CHST9: variants seen among roughly 807,000 people sequenced by gnomAD.
CHST9 encodes GalNAc-4-sulfotransferase 2.
CHST9 carries 41 observed loss-of-function variants against 44.4 expected under a neutral mutation model. The observed-to-expected ratio is 0.92, with a 90% CI of 0.72 to 1.20. The LOEUF (loss-of-function observed/expected upper bound fraction) is 1.20, where lower values mean the gene tolerates loss of function less well. Ranked by LOEUF, CHST9 falls within the 50% of genes most tolerant of loss-of-function variation. CHST9 has a pLI of 0.00. For missense variants in CHST9, 504 were observed against 516.5 expected (o/e 0.98, Z 0.23); for synonymous variants, 171 against 178.4 (o/e 0.96, Z 0.33).
intron 2 of CHST9, among the ~76,000 whole-genome samples, chr18:27,100,993 A>G (rs979770375): frequency 6.6e-6 from 1 of 152,140 alleles, no homozygotes; most frequent in African/African-American, 2.4e-5. Context: ...TGTGAAGTAC[A>G]CTGCTTGCTT....
At chr18:27,066,360 A>T (rs949244087) in intron 2 of CHST9, among the ~76,000 whole-genome samples, 4 of 152,226 alleles carry the variant, frequency 2.6e-5, no homozygotes, top group African/African-American at 9.6e-5. Context: ...CTAAACTGTT[A>T]GGCTTATTAT....
intron 5 of CHST9, among the ~76,000 whole-genome samples, chr18:26,941,514 A>C (rs764978361): frequency 7.2e-5 from 11 of 152,170 alleles, no homozygotes; most frequent in Non-Finnish European, 1.3e-4. Context: ...TAATATTTTA[A>C]AGTATTATCT....
At position 27,086,340 on chromosome 18, in the gene CHST9, A is replaced by G. The variant is rs557158983; in HGVS notation, c.122-37837T>C. Among the ~76,000 whole-genome samples the G allele has an allele frequency of 3.9e-5, 6 of 152,376 alleles. No individual in the cohort carries two copies. The South Asian group carries it at 1.2e-3, about 32-fold the overall frequency. ...TTTTCTTTTGACAAATTACAATTCA[A>G]GGGACTAAAAATTTGGTGAGTTGGC... On this transcript the variant is annotated intron_variant, in intron 2 of 5. Transcript: ENST00000618847.
At chr18:27,080,631 C>G (rs1248916172) in intron 2 of CHST9, among the ~76,000 whole-genome samples, 2 of 152,006 alleles carry the variant, frequency 1.3e-5, no homozygotes, top group Non-Finnish European at 2.9e-5. Flanking sequence ...CATAGGTGGC[C>G]AAATGTGTAA....
chr18:27,021,397 A>G (rs2057224647), intron 4 of CHST9, among the ~76,000 whole-genome samples: 1 of 152,106 alleles, frequency 6.6e-6, no homozygotes, highest in African/African-American at 2.4e-5. Context: ...CTGTCAAACT[A>G]ATGCTGAGGC....
intron 2 of CHST9, among the ~76,000 whole-genome samples, chr18:27,083,679 A>G (rs1421626991): frequency 2.0e-5 from 3 of 152,058 alleles, no homozygotes; most frequent in Non-Finnish European, 2.9e-5. Context: ...AATTGGGTGA[A>G]TATTCATTTG....
chr18:27,146,587 C>T (rs2058614186), intron 1 of CHST9, among the ~76,000 whole-genome samples: 1 of 152,180 alleles, frequency 6.6e-6, no homozygotes, highest in Admixed American at 6.5e-5. Flanking sequence ...TATGTACGAG[C>T]ATTATACATT....
chr18:27,146,916 C>A (rs1435169686), intron 1 of CHST9, among the ~76,000 whole-genome samples: 1 of 152,094 alleles, frequency 6.6e-6, no homozygotes, highest in Admixed American at 6.5e-5. Context: ...TCTGTCATCT[C>A]TTTTCCAAAA....
intron 1 of CHST9, among the ~76,000 whole-genome samples, chr18:27,165,042 A>G (rs540298492): frequency 1.6e-4 from 25 of 152,320 alleles, no homozygotes; most frequent in African/African-American, 5.3e-4. Context: ...AAAAGGAGAG[A>G]GAGAAAAGAA....
intron 1 of CHST9, among the ~76,000 whole-genome samples, chr18:27,174,687 A>C (rs756228924): frequency 2.6e-5 from 4 of 151,970 alleles, no homozygotes; most frequent in Non-Finnish European, 4.4e-5. Context: ...TTTCATTATC[A>C]GCTTGTATTC....
intron 2 of CHST9, among the ~76,000 whole-genome samples, chr18:27,084,436 T>C (rs2057989890): frequency 6.8e-6 from 1 of 147,702 alleles, no homozygotes; most frequent in African/African-American, 2.5e-5. Flanking sequence ...GAGCTCATAG[T>C]GGTGTTCATA....
chr18:27,145,097 G>GA (rs977931552), intron 1 of CHST9, among the ~76,000 whole-genome samples: 18 of 151,194 alleles, frequency 1.2e-4, no homozygotes, highest in Middle Eastern at 3.4e-3. Flanking sequence ...TTCTTGATTA[G>GA]AAAAAAAAAC....
At chr18:27,120,700 A>G (rs941257609) in intron 2 of CHST9, among the ~76,000 whole-genome samples, 3 of 152,192 alleles carry the variant, frequency 2.0e-5, no homozygotes, top group Non-Finnish European at 2.9e-5. Flanking sequence ...AGTTTCCTCA[A>G]TTATAAAATA....
chr18:27,161,752 T>C, intron 1 of CHST9, among the ~76,000 whole-genome samples: 1 of 152,188 alleles, frequency 6.6e-6, no homozygotes, highest in Non-Finnish European at 1.5e-5. Flanking sequence ...CAAGTCTCTT[T>C]CTAGGTCTCT....
chr18:26,953,495 A>C (rs1463323156), intron 4 of CHST9, among the ~76,000 whole-genome samples: 4 of 152,100 alleles, frequency 2.6e-5, no homozygotes, highest in African/African-American at 9.7e-5. Flanking sequence ...GAAATTGGAG[A>C]ATATCTAGGA....
chr18:27,143,959 T>TAAAATA (rs907907053), intron 1 of CHST9, among the ~76,000 whole-genome samples: 4 of 151,804 alleles, frequency 2.6e-5, no homozygotes, highest in African/African-American at 9.7e-5. Context: ...TAAAGTAAAA[T>TAAAATA]AAAATAAAAA....
chr18:27,118,608 T>C (rs2058348876), intron 2 of CHST9, among the ~76,000 whole-genome samples: 1 of 152,250 alleles, frequency 6.6e-6, no homozygotes, highest in Non-Finnish European at 1.5e-5. Context: ...AAAGAGATTT[T>C]TAATAAATGA....
chr18:27,122,089 G>A (rs150343178), intron 2 of CHST9, among the ~76,000 whole-genome samples: 1 of 152,288 alleles, frequency 6.6e-6, no homozygotes, highest in Non-Finnish European at 1.5e-5. Flanking sequence ...GATAAGAGAT[G>A]GAGGCAGGAT....
intron 1 of CHST9, among the ~76,000 whole-genome samples, chr18:27,156,626 A>C (rs922998383): frequency 6.6e-6 from 1 of 152,102 alleles, no homozygotes; most frequent in Non-Finnish European, 1.5e-5. Context: ...ATCTCAACAA[A>C]CAAGTAAACA....
Sources: gnomAD v4.1 joint callset for allele counts (sites outside exome capture counted in the v4.1 genomes callset) on GRCh38, gnomAD v4.1.1 for gene constraint, MANE v1.5 for transcripts, NCBI Gene and HGNC (gene_info 2026-07-23, HGNC 2026-07-21) for gene names.